The following FRMD6 variants were observed in gnomAD, a reference collection of about 807,000 sequenced individuals.
FRMD6 encodes the protein FERM domain containing 6.
FRMD6 carries 37 observed loss-of-function variants against 73.2 expected under a neutral mutation model. The observed-to-expected ratio is 0.51, with a 90% CI of 0.39 to 0.66. The LOEUF is 0.66. Among genes scored for constraint, FRMD6 ranks in the 30% least tolerant of loss-of-function variants. FRMD6 has a pLI of 0.00. For missense variants in FRMD6, 714 were observed against 780.5 expected, an observed-to-expected ratio of 0.91 and a Z score of 1.02; for synonymous variants, 273 against 282.2, an observed-to-expected ratio of 0.97 and a Z score of 0.33.
chr14:51,484,913 ACT>A (rs1296195390), upstream of FRMD6, among the ~76,000 whole-genome samples: 4 of 152,040 alleles, frequency 2.6e-5, no homozygotes, highest in African/African-American at 7.2e-5. Flanking sequence ...GAACACAGCT[ACT>A]CTCTGAGTGT....
rs552389739 is a variant in FRMD6, at chr14:51,528,920, G to A, written c.-210+39500G>A. On this transcript the variant is annotated intron_variant, in intron 1 of 14. Transcript: ENST00000356218. Reference sequence around the variant, plus strand: ...CCTCCTGCCACTAAGGCTCAGTAGAGCTTTCCCATCAAAGGGTGCTAATCT... The same window carrying A: ...CCTCCTGCCACTAAGGCTCAGTAGAACTTTCCCATCAAAGGGTGCTAATCT... Among the ~76,000 whole-genome samples, 4 of 152,290 alleles carry A rather than the reference G, an allele frequency of 2.6e-5. No homozygotes were observed. In the East Asian group the frequency reaches 7.7e-4, roughly 29 times the overall value.
At chr14:51,656,026 A>C (rs907886072) in intron 1 of FRMD6, among the ~76,000 whole-genome samples, 3 of 152,184 alleles carry the variant, frequency 2.0e-5, no homozygotes, top group African/African-American at 4.8e-5. Context: ...TCTACTTCCC[A>C]TGCTGTGGGA....
intron 1 of FRMD6, among the ~76,000 whole-genome samples, chr14:51,524,636 A>G (rs1885135894): frequency 6.6e-6 from 1 of 152,216 alleles, no homozygotes; most frequent in African/African-American, 2.4e-5. Context: ...GCAGCCCCCT[A>G]AACAAGAATA....
At chr14:51,537,756 A>T (rs967790801) in intron 1 of FRMD6, among the ~76,000 whole-genome samples, 1 of 152,208 alleles carries the variant, frequency 6.6e-6, no homozygotes, top group African/African-American at 2.4e-5. Context: ...CTAATAACGT[A>T]GGATTTTGAA....
At chr14:51,428,944 GA>G in the FRMD6 span, among the ~76,000 whole-genome samples, 1 of 136,534 alleles carries the variant, frequency 7.3e-6, no homozygotes, top group Non-Finnish European at 1.6e-5. Context: ...GAGAGAAGGG[GA>G]GAGACAGAGG....
the FRMD6 span, among the ~76,000 whole-genome samples, chr14:51,418,419 C>T: frequency 1.3e-5 from 2 of 152,212 alleles, no homozygotes; most frequent in Non-Finnish European, 2.9e-5. Context: ...GGTCCCTCAG[C>T]TGCAGGTCTG....
At chr14:51,713,745 C>T (rs1264884958) in intron 9 of FRMD6, 3 of 152,190 alleles carry the variant, frequency 2.0e-5, no homozygotes, top group Non-Finnish European at 4.4e-5. Flanking sequence ...TTTCACTTTA[C>T]TTATACATTA....
At chr14:51,479,489 T>C in the FRMD6 span, among the ~76,000 whole-genome samples, 1 of 152,166 alleles carries the variant, frequency 6.6e-6, no homozygotes, top group Non-Finnish European at 1.5e-5. Flanking sequence ...GAAAGCTAGT[T>C]AGAGAGGTCA....
intron 1 of FRMD6, among the ~76,000 whole-genome samples, chr14:51,536,663 C>T (rs1284029981): frequency 5.3e-5 from 8 of 151,674 alleles, no homozygotes; most frequent in African/African-American, 9.7e-5. Flanking sequence ...GTGATCTGCC[C>T]GCCTTGGCCT....
In FRMD6 at chr14:51,720,043, C is replaced by T; in HGVS notation, c.1025-12C>T. ...CTGTCTTGGTTAATGAACTGTGTTC[C>T]CCACCACGTAGAGAAGAAGCAGTAC... is the stretch of plus-strand genomic sequence containing the variant. On this transcript the variant is annotated splice_polypyrimidine_tract_variant and intron_variant, in intron 10 of 13. Transcript: ENST00000344768. 1 of 1,598,050 alleles carries T rather than the reference C, an allele frequency of 6.3e-7. No homozygotes were observed. The highest frequency in any genetic ancestry group is 2.2e-5 in the East Asian group (1 of 44,744).
At chr14:51,517,376 T>C (rs998984862) in intron 1 of FRMD6, among the ~76,000 whole-genome samples, 3 of 152,188 alleles carry the variant, frequency 2.0e-5, no homozygotes, top group African/African-American at 7.2e-5. Context: ...ATTTATTCTG[T>C]GCAAAGAATG....
intron 1 of FRMD6, among the ~76,000 whole-genome samples, chr14:51,666,280 G>A (rs1272913151): frequency 5.9e-5 from 9 of 152,136 alleles, no homozygotes; most frequent in East Asian, 1.9e-4. Context: ...AGATGAATGC[G>A]TCATTACTAT....
chr14:51,473,095 A>T, the FRMD6 span, among the ~76,000 whole-genome samples: 1 of 152,232 alleles, frequency 6.6e-6, no homozygotes, highest in African/African-American at 2.4e-5. Context: ...AGCACTGGGA[A>T]TAAAGTGAGA....
rs568939867 is a variant in FRMD6, at chr14:51,632,636, A to G, written c.-146-57055A>G. On this transcript the variant is annotated intron_variant, in intron 2 of 14. Coordinates refer to the FRMD6 transcript ENST00000356218. ...TCTCACCCCTCTCCATCTCACACCC[A>G]TCCTGTCTTTCTAAGATCTCCAAAA... Among the ~76,000 whole-genome samples, 30 of 152,282 alleles carry G rather than the reference A, an allele frequency of 2.0e-4. No individual in the cohort carries two copies. In the South Asian group the frequency reaches 5.8e-3, roughly 29 times the overall value.
intron 1 of FRMD6, among the ~76,000 whole-genome samples, chr14:51,492,729 G>C (rs1199063556): frequency 1.3e-5 from 2 of 152,196 alleles, no homozygotes; most frequent in Non-Finnish European, 2.9e-5. Flanking sequence ...TGTGTACCCA[G>C]TGTTTTACTA....
chr14:51,528,230 CT>C (rs2140320776), intron 1 of FRMD6, among the ~76,000 whole-genome samples: 1 of 152,332 alleles, frequency 6.6e-6, no homozygotes, highest in Admixed American at 6.5e-5. Flanking sequence ...CCAATTCCCA[CT>C]TTTGCCAGTG....
chr14:51,439,257 A>T, the FRMD6 span, among the ~76,000 whole-genome samples: 5 of 152,346 alleles, frequency 3.3e-5, no homozygotes, highest in South Asian at 1.0e-3. Context: ...TTTAGTAAAT[A>T]CATCACTGTA....
intron 1 of FRMD6, among the ~76,000 whole-genome samples, chr14:51,537,246 A>G (rs1056857020): frequency 3.9e-5 from 6 of 152,166 alleles, no homozygotes; most frequent in African/African-American, 1.4e-4. Context: ...TCTAGTTGTA[A>G]TCATACAGCA....
At chr14:51,645,339 C>A (rs1336368088) in intron 2 of FRMD6, among the ~76,000 whole-genome samples, 5 of 152,192 alleles carry the variant, frequency 3.3e-5, no homozygotes, top group Non-Finnish European at 7.3e-5. Flanking sequence ...CAAATCCCAA[C>A]CACCATGGAC....
Sources: gnomAD v4.1 joint callset for allele counts (sites outside exome capture counted in the v4.1 genomes callset) on GRCh38, gnomAD v4.1.1 for gene constraint, MANE v1.5 for transcripts, NCBI Gene and HGNC (gene_info 2026-07-23, HGNC 2026-07-21) for gene names.